TMCO5A: variants seen among roughly 807,000 people sequenced by gnomAD.
TMCO5A encodes the protein transmembrane and coiled-coil domains 5A.
TMCO5A carries 34 observed loss-of-function variants against 42.3 expected under a neutral mutation model. That is an observed-to-expected ratio of 0.80 (90% confidence interval 0.61 to 1.07). The LOEUF is 1.07. Among genes scored for constraint, TMCO5A ranks in the 50% least tolerant of loss-of-function variants. The pLI is 0.00. For missense variants in TMCO5A, 357 were observed against 327.9 expected, an observed-to-expected ratio of 1.09 and a Z score of -0.69; for synonymous variants, 131 against 115.6, an observed-to-expected ratio of 1.13 and a Z score of -0.86.
downstream of TMCO5A, among the ~76,000 whole-genome samples, chr15:37,951,994 C>T (rs1038458667): frequency 6.6e-6 from 1 of 152,066 alleles, no homozygotes; most frequent in Non-Finnish European, 1.5e-5. Context: ...TCAGTGCTTC[C>T]CCATTATAAC....
intron 9 of TMCO5A, 126 bp downstream of exon 9, chr15:37,942,381 C>CACATAT (rs1889778844): frequency 1.2e-6 from 1 of 839,204 alleles, no homozygotes; most frequent in East Asian, 2.4e-5. Context: ...ATATCTTTGC[C>CACATAT]CTCTGTTAGT....
chr15:37,994,973 C>T, the TMCO5A span, among the ~76,000 whole-genome samples: 1 of 152,092 alleles, frequency 6.6e-6, no homozygotes, highest in Non-Finnish European at 1.5e-5. Flanking sequence ...GTTTTAAGTG[C>T]CAGTAAAACC....
chr15:37,960,102 C>CCAGCAGT (rs1890384806), intron 11 of TMCO5A, among the ~76,000 whole-genome samples: 1 of 151,880 alleles, frequency 6.6e-6, no homozygotes. Flanking sequence ...CTGGTGCACC[C>CCAGCAGT]ATCACCCCAG....
chr15:37,967,688 G>T (rs1264138533), exon 12 of TMCO5A: 4 of 152,126 alleles, frequency 2.6e-5, no homozygotes, highest in Admixed American at 2.6e-4. Flanking sequence ...TTTTCAGAAA[G>T]TTGCATAAAA....
chr15:37,956,504 G>C (rs1172555990), intron 11 of TMCO5A, among the ~76,000 whole-genome samples: 1 of 151,940 alleles, frequency 6.6e-6, no homozygotes, highest in African/African-American at 2.4e-5. Flanking sequence ...AAATGGATAA[G>C]TTCCTGGATA....
intron 6 of TMCO5A, among the ~76,000 whole-genome samples, chr15:37,938,940 C>T (rs1889629504): frequency 6.6e-6 from 1 of 152,024 alleles, no homozygotes; most frequent in Non-Finnish European, 1.5e-5. Context: ...GTACAAGTGC[C>T]ATTTTGCCAA....
At chr15:37,964,621 C>T (rs1012324411) in intron 11 of TMCO5A, among the ~76,000 whole-genome samples, 1 of 151,790 alleles carries the variant, frequency 6.6e-6, no homozygotes, top group Non-Finnish European at 1.5e-5. Context: ...TTTCTATATG[C>T]CAACAGTGAA....
the TMCO5A span, among the ~76,000 whole-genome samples, chr15:38,035,817 T>C: frequency 6.6e-6 from 1 of 152,216 alleles, no homozygotes; most frequent in Non-Finnish European, 1.5e-5. Context: ...GGAGGCAAGA[T>C]GCTCTCGCAC....
intron 11 of TMCO5A, among the ~76,000 whole-genome samples, chr15:37,959,203 C>A (rs1890363835): frequency 6.6e-6 from 1 of 151,872 alleles, no homozygotes; most frequent in Non-Finnish European, 1.5e-5. Flanking sequence ...CACCATGGCA[C>A]GTGTATACGT....
intron 10 of TMCO5A, among the ~76,000 whole-genome samples, chr15:37,945,523 C>A (rs1889915068): frequency 6.6e-6 from 1 of 152,098 alleles, no homozygotes; most frequent in South Asian, 2.1e-4. Flanking sequence ...TTCTCTGCAA[C>A]CTCACCAGCA....
chr15:38,008,050 C>T, the TMCO5A span, among the ~76,000 whole-genome samples: 2,524 of 151,876 alleles, frequency 0.017, 71 homozygotes, highest in African/African-American at 0.057. Flanking sequence ...CGCCTGCCAC[C>T]ACGCCTGGCT....
the TMCO5A span, chr15:37,994,430 C>T: frequency 1.3e-5 from 2 of 152,236 alleles, no homozygotes; most frequent in African/African-American, 4.8e-5. Context: ...GGCTTTTTAC[C>T]TGGTGCCCCT....
At chr15:37,979,004 C>A in the TMCO5A span, among the ~76,000 whole-genome samples, 1 of 151,788 alleles carries the variant, frequency 6.6e-6, no homozygotes, top group South Asian at 2.1e-4. Flanking sequence ...TGACAGAGTA[C>A]CAAGGGGGAA....
the TMCO5A span, among the ~76,000 whole-genome samples, chr15:37,981,200 CAAAAAAAAAAAA>C: frequency 4.6e-5 from 3 of 65,346 alleles, no homozygotes; most frequent in African/African-American, 1.7e-4. Flanking sequence ...AGAAAGCCAG[CAAAAAAAAAAAA>C]AAAAAAAAAA....
At chr15:38,030,041 A>C in the TMCO5A span, among the ~76,000 whole-genome samples, 1 of 152,178 alleles carries the variant, frequency 6.6e-6, no homozygotes, top group Non-Finnish European at 1.5e-5. Context: ...AATATTCATA[A>C]GTCTGAGGAA....
chr15:37,948,415 G>T (rs533757692), intron 11 of TMCO5A, among the ~76,000 whole-genome samples: 1 of 152,184 alleles, frequency 6.6e-6, no homozygotes, highest in Admixed American at 6.5e-5. Flanking sequence ...ATTATTGGTG[G>T]TTAAAGGTCA....
the TMCO5A span, among the ~76,000 whole-genome samples, chr15:38,005,395 CAAAAA>C: frequency 4.5e-5 from 2 of 44,028 alleles, no homozygotes; most frequent in South Asian, 7.5e-4. Context: ...CCATCTCTAC[CAAAAA>C]AAAAAAAAAA....
the TMCO5A span, among the ~76,000 whole-genome samples, chr15:37,985,083 A>G: frequency 3.3e-5 from 5 of 151,890 alleles, no homozygotes; most frequent in African/African-American, 1.2e-4. Context: ...AACAGAACAT[A>G]GAATGGGGGA....
chr15:37,976,793 C>CTTTTTTTTTTTT, the TMCO5A span, among the ~76,000 whole-genome samples: 10 of 116,846 alleles, frequency 8.6e-5, no homozygotes, highest in South Asian at 2.8e-4. Flanking sequence ...TTTCTTCTTT[C>CTTTTTTTTTTTT]TTTTTTTTTT....
Sources: allele counts gnomAD v4.1 joint callset (sites outside exome capture counted in the v4.1 genomes callset), GRCh38; gene constraint gnomAD v4.1.1; transcripts MANE v1.5; gene names NCBI Gene and HGNC (gene_info 2026-07-23, HGNC 2026-07-21).